Variants in TNC observed in about 807,000 individuals in gnomAD.
TNC encodes tenascin C.
TNC carries 109 observed loss-of-function variants against 202.4 expected under a neutral mutation model. The observed-to-expected ratio is 0.54, with a 90% CI of 0.46 to 0.63. The LOEUF (loss-of-function observed/expected upper bound fraction) is 0.63. TNC is among the 30% of genes least tolerant of loss of function. The pLI is 0.00. For missense variants in TNC, 2,756 were observed against 2,833.3 expected (o/e 0.97, Z 0.62); for synonymous variants, 1,007 against 1,089.7 (o/e 0.92, Z 1.50).
intron 15 of TNC, among the ~76,000 whole-genome samples, chr9:115,055,027 A>T (rs1831998130): frequency 6.6e-6 from 1 of 152,218 alleles, no homozygotes; most frequent in African/African-American, 2.4e-5. Flanking sequence ...TTTATTTTTT[A>T]AAATCCTGCT....
At chr9:115,080,466 G>A (rs1395465663) in intron 6 of TNC, among the ~76,000 whole-genome samples, 2 of 152,094 alleles carry the variant, frequency 1.3e-5, no homozygotes, top group African/African-American at 4.8e-5. Flanking sequence ...AATGCAAGAT[G>A]TTCTTTCTTG....
At chr9:115,050,883 G>A (rs1831596821) in intron 15 of TNC, among the ~76,000 whole-genome samples, 1 of 152,134 alleles carries the variant, frequency 6.6e-6, no homozygotes, top group South Asian at 2.1e-4. Context: ...TAGCTAAAAA[G>A]CTGTGGGAGA....
At chr9:115,071,358 A>G (rs1833456281) in intron 10 of TNC, among the ~76,000 whole-genome samples, 1 of 152,230 alleles carries the variant, frequency 6.6e-6, no homozygotes, top group African/African-American at 2.4e-5. Flanking sequence ...AATACGAAAC[A>G]TGATATCTTT....
intron 1 of TNC, among the ~76,000 whole-genome samples, chr9:115,096,696 G>A (rs1588202386): frequency 6.6e-6 from 1 of 152,186 alleles, no homozygotes; most frequent in East Asian, 1.9e-4. Flanking sequence ...TATGTGCATT[G>A]TAGTTTCCAT....
At chr9:115,062,780 C>CACATACACATATAGTCCCA in intron 13 of TNC, 137 bp downstream of exon 13, 5 of 1,002,920 alleles carry the variant, frequency 5.0e-6, no homozygotes, top group Non-Finnish European at 7.1e-6. Context: ...AATTCCAACA[C>CACATACACATATAGTCCCA]AGACCTTCCT....
intron 4 of TNC, among the ~76,000 whole-genome samples, chr9:115,083,162 G>A (rs1755637): frequency 0.47 from 71,801 of 151,712 alleles, 17,401 homozygotes; most frequent in African/African-American, 0.57. Flanking sequence ...GAAAAAGAAG[G>A]TAAATATGTC....
In TNC at chr9:115,040,998, T is replaced by C. The variant is rs1463551263; in HGVS notation, c.5335A>G (p.Ile1779Val). The change falls in exon 19 of 28, where the codon ATC (isoleucine) becomes GTC (valine). Residue 1779 changes from isoleucine to valine, a missense_variant. Ile to Val is a conservative substitution (Grantham distance 29, BLOSUM62 3). Coordinates refer to ENST00000350763, the MANE Select transcript of TNC (RefSeq NM_002160.4). ...TCCTCAAAGCCCTTCATGGCGATGA[T>C]GCTGACAAGGTACTCCACGCCAGGT... is the stretch of plus-strand genomic sequence containing the variant. ...LIPGVEYLVS[I>V]IAMKGFEESE... 1.2e-6 allele frequency: 2 copies of C among 1,614,054 alleles called. No individual in the cohort carries two copies. Among genetic ancestry groups the C allele is most frequent in the East Asian group, 2.2e-5 (1 of 44,866 alleles).
chr9:115,083,760 A>G (rs1834489976), intron 4 of TNC, among the ~76,000 whole-genome samples: 1 of 152,084 alleles, frequency 6.6e-6, no homozygotes, highest in Non-Finnish European at 1.5e-5. Flanking sequence ...ATGCACCACC[A>G]GGCCCGACTA....
At chr9:115,098,321 C>T (rs1221298545) in intron 1 of TNC, among the ~76,000 whole-genome samples, 1 of 152,208 alleles carries the variant, frequency 6.6e-6, no homozygotes, top group Non-Finnish European at 1.5e-5. Flanking sequence ...TAATTTTACA[C>T]ATTAAGCTGC....
At position 115,026,794 on chromosome 9, in the gene TNC, G is replaced by T. The variant is rs963662998; in HGVS notation, c.6170-99C>A. 1.9e-5 allele frequency: 20 copies of T among 1,027,888 alleles called. 1 individual carries two copies. The African/African-American group carries it at 2.5e-4, about 13-fold the overall frequency. 63.7% of individuals were successfully genotyped at this position (1,027,888 alleles called of 1,614,324 possible). On this transcript the variant is annotated intron_variant, in intron 25 of 27. Transcript: ENST00000350763. The stretch of plus-strand genomic sequence containing the variant: ...GCGGCAACTGGGTACACTTAAGACA[G>T]GGCCAACTGGGCCCAGTGGCTCATG...
chr9:115,117,602 G>T (rs1837562243), intron 1 of TNC, among the ~76,000 whole-genome samples: 1 of 152,208 alleles, frequency 6.6e-6, no homozygotes, highest in South Asian at 2.1e-4. Flanking sequence ...GGCAGGCTAT[G>T]AGCAAAGTCT....
At chr9:115,064,187 A>G in intron 11 of TNC, 119 bp from the exon 12 acceptor site, 1 of 1,029,446 alleles carries the variant, frequency 9.7e-7, no homozygotes, top group East Asian at 2.5e-5. Flanking sequence ...TTCTTTAGAT[A>G]AACATGCATC....
rs369342950 is a variant in TNC, at chr9:115,086,575, G to A, written c.1156C>T (p.Arg386Cys). The A allele has an allele frequency of 9.9e-6, 16 of 1,614,046 alleles. No homozygotes were observed. The highest frequency in any genetic ancestry group is 1.6e-4 in the Middle Eastern group (1 of 6,062). Residue 386 changes from arginine (R) to cysteine (C), a missense_variant, in exon 3 of 28, where the codon CGC (arginine) becomes TGC (cysteine). Coordinates refer to ENST00000350763, the MANE Select transcript of TNC (RefSeq NM_002160.4). The part of the protein sequence containing the change: ...RCPADCHNRG[R>C]CVDGRCECDD... ...CACTCACACCGCCCGTCTACACAGC[G>A]GCCACGATTGTGACAGTCAGCAGGA...
chr9:115,038,022 A>C (rs1830459313), intron 20 of TNC, among the ~76,000 whole-genome samples: 1 of 152,164 alleles, frequency 6.6e-6, no homozygotes, highest in Non-Finnish European at 1.5e-5. Flanking sequence ...ACAGGAGAGG[A>C]GGAATGGGCC....
chr9:115,082,759 G>C lies in TNC; in HGVS notation c.2180C>G (p.Ser727Cys), dbSNP rs1217331558. The part of the protein sequence containing the change: ...GLKFKSIKET[S>C]VEVEWDPLDI... ...TAGAGGATCCCACTCCACTTCCACA[G>C]ATGTCTCCTTGATGGACTTGAATTT... is the stretch of plus-strand genomic sequence containing the variant. Residue 727 changes from serine to cysteine, a missense_variant, in exon 5 of 28, where the codon TCT becomes TGT. Ser to Cys is a moderately radical substitution (Grantham distance 112). Around this residue, in one of 2 missense-constraint regions of TNC, gnomAD observed 2,559 missense variants for 2,546.0 expected, o/e 1.01. Coordinates refer to ENST00000350763, the MANE Select transcript of TNC (RefSeq NM_002160.4). 5.0e-6 allele frequency: 8 copies of C among 1,614,188 alleles called. No homozygotes were observed. The highest frequency in any genetic ancestry group is 5.9e-6 in the Non-Finnish European group (7 of 1,180,026).
At chr9:115,055,068 C>T (rs1466853380) in intron 15 of TNC, among the ~76,000 whole-genome samples, 1 of 130,440 alleles carries the variant, frequency 7.7e-6, no homozygotes, top group East Asian at 2.2e-4. Flanking sequence ...TCTTTCTGAC[C>T]AAGTCACCAG....
Position 115,031,644 on chromosome 9 carries a change from T to A in TNC, c.5829A>T (p.Ala1943=). The change falls in exon 23 of 28, where the codon GCA becomes GCT. Residue 1943 remains alanine (A), a synonymous_variant. Transcript: ENST00000350763. The stretch of plus-strand genomic sequence containing the variant: ...TGTAGTGGGTGGATGGGCTCAGGTC[T>A]GCCAGGCTGTAGGAGGTGGTATCTG... ...VGPDTTSYSL[A]DLSPSTHYTA... is the part of the protein sequence containing the mutation. The A allele has an allele frequency of 6.2e-7, 1 of 1,612,474 alleles. No individual in the cohort carries two copies.
chr9:115,048,422 C>T lies in TNC; in HGVS notation c.4690G>A (p.Val1564Met), dbSNP rs529362727. ...GGGTCCAGCAGCTTCCCAGAATCCA[C>T]CACCGTTACTAGAAAGCTGTCAAAG... ...NAFDSFLVTV[V>M]DSGKLLDPQE... is the part of the protein sequence containing the mutation. The change falls in exon 16 of 28, where the codon GTG becomes ATG. Residue 1564 changes from valine (V) to methionine (M), a missense_variant. Physicochemically the swap from Val to Met is conservative, Grantham distance 21 (BLOSUM62 1). Coordinates refer to ENST00000350763, the MANE Select transcript of TNC (RefSeq NM_002160.4). The T allele has an allele frequency of 3.1e-6, 5 of 1,614,014 alleles. No individual in the cohort carries two copies. The highest frequency in any genetic ancestry group is 2.2e-5 in the East Asian group (1 of 44,878).
chr9:115,086,088 A>G lies in TNC; in HGVS notation c.1643T>C (p.Val548Ala), dbSNP rs779015382. The change falls in exon 3 of 28, where the codon GTG becomes GCG. Residue 548 changes from valine (V) to alanine (A), a missense_variant. This residue lies in a region of TNC where 2,559 missense variants were observed against 2,546.0 expected (regional missense o/e 1.01). Coordinates refer to ENST00000350763, the MANE Select transcript of TNC (RefSeq NM_002160.4). ...GQGRCVNGQC[V>A]CHEGFMGKDC... ...TTTGCCCATAAATCCTTCATGGCAC[A>G]CGCACTGCCCATTCACACAGCGACC... is the stretch of plus-strand genomic sequence containing the variant. 6.2e-7 allele frequency: 1 copy of G among 1,613,412 alleles called. No homozygotes were observed. The highest frequency in any genetic ancestry group is 8.5e-7 in the Non-Finnish European group (1 of 1,179,416).
Sources: gnomAD v4.1 joint callset for allele counts (sites outside exome capture counted in the v4.1 genomes callset) on GRCh38, gnomAD v4.1.1 for gene constraint, gnomAD v4.1.1 regional missense constraint, MANE v1.5 for transcripts, NCBI Gene and HGNC (gene_info 2026-07-23, HGNC 2026-07-21) for gene names.